The following JPT2 variants were observed in gnomAD, a reference collection of about 807,000 sequenced individuals.
JPT2 encodes CRAMP_1 like.
Under a neutral mutation model 15.9 loss-of-function variants are expected in JPT2, and 9 were observed. The ratio of observed to expected loss-of-function variants is 0.57; its 90% CI spans 0.34 to 0.99. The LOEUF (loss-of-function observed/expected upper bound fraction) is 0.99, where lower values mean the gene tolerates loss of function less well. Ranked by LOEUF, JPT2 falls within the 50% of genes least tolerant of loss-of-function variation. The pLI, the probability that JPT2 is intolerant of heterozygous loss-of-function variation, is 0.02. For synonymous variants in JPT2, 95 were observed against 91.7 expected (o/e 1.04, Z -0.21); for missense variants, 267 against 252.1 (o/e 1.06, Z -0.40).
intron 2 of JPT2, among the ~76,000 whole-genome samples, chr16:1,686,957 G>A (rs2037071509): frequency 6.6e-6 from 1 of 152,134 alleles, no homozygotes; most frequent in Non-Finnish European, 1.5e-5. Flanking sequence ...AAAAAAAGCA[G>A]TAGATCCAGA....
intron 2 of JPT2, 159 bp downstream of exon 2, chr16:1,685,746 C>T: frequency 1.3e-6 from 1 of 792,516 alleles, no homozygotes; most frequent in Non-Finnish European, 1.9e-6. Context: ...TTTGTACTTT[C>T]TCTCTTGAAG....
rs539684658 is a variant in JPT2 at position 1,701,241 on chromosome 16, C to G, written c.*2243C>G. 1.3e-5 allele frequency: 2 copies of G among 152,628 alleles called. No individual in the cohort carries two copies. The highest frequency in any genetic ancestry group is 2.9e-5 in the Non-Finnish European group (2 of 68,048). 9.5% of individuals were successfully genotyped at this position (152,628 alleles called of 1,614,324 possible). A position where few individuals can be genotyped will look rare whatever the true frequency, so the allele number is the denominator to read the frequency against. On this transcript the variant is annotated 3_prime_UTR_variant, in exon 5 of 5. Transcript: ENST00000248098. ...TAAGCTGCATTGAGAAATGACTCGT[C>G]TCTGTATTTGTATTAAGCCTTAACA...
At position 1,699,366 on chromosome 16, in the gene JPT2, C is replaced by T; in HGVS notation, c.*368C>T. 2.1e-6 allele frequency: 1 copy of T among 467,064 alleles called. No homozygotes were observed. The highest frequency in any genetic ancestry group is 4.3e-6 in the Non-Finnish European group (1 of 234,762). The allele number at this position is 467,064 out of a possible 1,614,324, so 28.9% of individuals were successfully genotyped here. A position where few individuals can be genotyped will look rare whatever the true frequency, so the allele number is the denominator to read the frequency against. ...GAAAGAAACCAAAACAGCCTGTCCA[C>T]TGCTGCTGTGGGATGGAGGAGGCGT... is the stretch of plus-strand genomic sequence containing the variant. On this transcript the variant is annotated 3_prime_UTR_variant, in exon 5 of 5. Transcript: ENST00000248098.
chr16:1,680,452 C>A, intron 1 of JPT2: 1 of 1,234,580 alleles, frequency 8.1e-7, no homozygotes, highest in Non-Finnish European at 1.0e-6. Context: ...AAAACTCTTC[C>A]TTTTAGGATG....
intron 3 of JPT2, among the ~76,000 whole-genome samples, chr16:1,697,289 A>C (rs893697204): frequency 1.3e-5 from 2 of 152,154 alleles, no homozygotes; most frequent in African/African-American, 4.8e-5. Flanking sequence ...TGAGGCACGC[A>C]GATCACTTGA....
chr16:1,696,433 A>C (rs1306626866), intron 3 of JPT2, among the ~76,000 whole-genome samples: 1 of 151,892 alleles, frequency 6.6e-6, no homozygotes, highest in Admixed American at 6.6e-5. Context: ...AGGCAAGAGA[A>C]TTGCTTGAAC....
At chr16:1,682,708 G>A (rs370455683) in intron 1 of JPT2, among the ~76,000 whole-genome samples, 3 of 152,042 alleles carry the variant, frequency 2.0e-5, no homozygotes, top group African/African-American at 4.8e-5. Flanking sequence ...GGAGGGCTGC[G>A]TGATTCAAAA....
chr16:1,678,857 G>C (rs1814245787), intron 1 of JPT2, among the ~76,000 whole-genome samples: 1 of 152,234 alleles, frequency 6.6e-6, no homozygotes, highest in South Asian at 2.1e-4. Flanking sequence ...CCGTGTGCCC[G>C]TGTCCCTGGT....
chr16:1,700,328 C>T lies in JPT2; in HGVS notation c.*1330C>T, dbSNP rs1460927666. On this transcript the variant is annotated 3_prime_UTR_variant, in exon 5 of 5. Coordinates refer to ENST00000248098, the MANE Select transcript of JPT2 (RefSeq NM_144570.3). ...CAGGCAGAAGCCTCTGCCCATCCCC[C>T]TCAAGGGCTGCAGGCCCAGTTCTCA... 2.9e-6 allele frequency: 1 copy of T among 349,732 alleles called. No individual in the cohort carries two copies. The highest frequency in any genetic ancestry group is 5.9e-6 in the Non-Finnish European group (1 of 168,992). 21.7% of individuals were successfully genotyped at this position (349,732 alleles called of 1,614,324 possible).
Position 1,683,478 on chromosome 16 carries a change from C to CTT in JPT2, c.45-1953_45-1952dup, listed in dbSNP as rs113851179. ...AATAATTTTTCTTAAGTGCACCTGT[C>CTT]TTTTTTTTTCTCCCTCCTCAAATCC... On this transcript the variant is annotated intron_variant, in intron 1 of 4. Coordinates refer to ENST00000248098, the MANE Select transcript of JPT2 (RefSeq NM_144570.3). 5.2e-4 allele frequency: 731 copies of CTT among 1,412,498 alleles called. 3 individuals are homozygous for CTT. The African/African-American group carries it at 7.4e-3, about 14-fold the overall frequency. 87.5% of individuals were successfully genotyped at this position (1,412,498 alleles called of 1,614,324 possible).
chr16:1,683,981 A>T (rs2037045067), intron 1 of JPT2, among the ~76,000 whole-genome samples: 1 of 152,206 alleles, frequency 6.6e-6, no homozygotes, highest in South Asian at 2.1e-4. Context: ...GTTTGCATAT[A>T]ACCTATGCAC....
At chr16:1,678,750 G>A (rs2036995155) in intron 1 of JPT2, among the ~76,000 whole-genome samples, 1 of 151,938 alleles carries the variant, frequency 6.6e-6, no homozygotes, top group Non-Finnish European at 1.5e-5. Flanking sequence ...TTGTCTGTGG[G>A]ATGCGTGTCC....
intron 2 of JPT2, chr16:1,688,606 GC>G (rs1167718406): frequency 6.6e-6 from 1 of 152,222 alleles, no homozygotes; most frequent in Non-Finnish European, 1.5e-5. Context: ...AGGTGCGGTG[GC>G]TCACGCCTGT....
At chr16:1,678,808 G>T (rs1440759890) in intron 1 of JPT2, among the ~76,000 whole-genome samples, 1 of 152,038 alleles carries the variant, frequency 6.6e-6, no homozygotes, top group Non-Finnish European at 1.5e-5. Flanking sequence ...ATGTGTTCGT[G>T]GGGGGTGTCT....
intron 2 of JPT2, among the ~76,000 whole-genome samples, chr16:1,688,121 T>G (rs1596506998): frequency 2.6e-5 from 4 of 152,256 alleles, no homozygotes. Flanking sequence ...TACCGGGGAC[T>G]GTGCTAAGTG....
intron 1 of JPT2, among the ~76,000 whole-genome samples, chr16:1,678,844 T>C (rs1445425873): frequency 6.6e-6 from 1 of 152,156 alleles, no homozygotes; most frequent in Non-Finnish European, 1.5e-5. Context: ...CCTGTGCGTG[T>C]GGCCGTGTGC....
intron 1 of JPT2, chr16:1,680,253 T>G (rs1024968970): frequency 1.2e-6 from 1 of 862,344 alleles, no homozygotes; most frequent in Admixed American, 6.1e-5. Context: ...ATTTAGTACG[T>G]TTCCTTTTTG....
At position 1,691,878 on chromosome 16, in the gene JPT2, C is replaced by G; in HGVS notation, c.229C>G (p.Pro77Ala). 1 of 1,614,002 alleles carries G rather than the reference C, an allele frequency of 6.2e-7. No individual in the cohort carries two copies. The highest frequency in any genetic ancestry group is 8.5e-7 in the Non-Finnish European group (1 of 1,179,990). ...AAGTGGTATCTTTGACGAATCAACC[C>G]CCGTGCAGACTCGACAGCACCTGAA... is the stretch of plus-strand genomic sequence containing the variant. Reference protein sequence around the residue: ...KGSGIFDESTPVQTRQHLNPP... With the variant: ...KGSGIFDESTAVQTRQHLNPP... Residue 77 changes from proline (P) to alanine (A), a missense_variant, in exon 3 of 5, where the codon CCC (proline) becomes GCC (alanine). Transcript: ENST00000248098.
At chr16:1,690,259 T>C (rs1373093033) in intron 2 of JPT2, 1 of 152,220 alleles carries the variant, frequency 6.6e-6, no homozygotes, top group Non-Finnish European at 1.5e-5. Flanking sequence ...ACACGTGGGC[T>C]CTTCATCCGG....
Sources: allele counts gnomAD v4.1 joint callset (sites outside exome capture counted in the v4.1 genomes callset), GRCh38; gene constraint gnomAD v4.1.1; transcripts MANE v1.5; gene names NCBI Gene and HGNC (gene_info 2026-07-23, HGNC 2026-07-21).